Variants in DLG2 observed in about 807,000 individuals in gnomAD.
DLG2 encodes the protein disks large homolog 2.
Under a neutral mutation model 132.5 loss-of-function variants are expected in DLG2, and 45 were observed. The ratio of observed to expected loss-of-function variants is 0.34; its 90% CI spans 0.27 to 0.44. The LOEUF (loss-of-function observed/expected upper bound fraction) is 0.44, where lower values mean the gene tolerates loss of function less well. Among genes scored for constraint, DLG2 ranks in the 20% least tolerant of loss-of-function variants. The probability of loss-of-function intolerance (pLI) is 1.00; values close to 1 mark genes in which losing one functional copy is unlikely to be tolerated. For missense variants in DLG2, 1,045 were observed against 1,196.9 expected, an observed-to-expected ratio of 0.87 and a Z score of 1.87; for synonymous variants, 424 against 419.6, an observed-to-expected ratio of 1.01 and a Z score of -0.13.
intron 10 of DLG2, among the ~76,000 whole-genome samples, chr11:84,066,078 T>C (rs1040247315): frequency 1.3e-5 from 2 of 152,212 alleles, no homozygotes; most frequent in African/African-American, 2.4e-5. Flanking sequence ...AGAGTGGAAG[T>C]TGGGATGAGG....
At chr11:83,666,029 T>C (rs1385254870) in intron 18 of DLG2, among the ~76,000 whole-genome samples, 5 of 152,194 alleles carry the variant, frequency 3.3e-5, no homozygotes, top group African/African-American at 4.8e-5. Flanking sequence ...TGTCAAGTTC[T>C]CTGCTTCCTG....
At chr11:83,522,605 A>T (rs1441066905) in intron 21 of DLG2, among the ~76,000 whole-genome samples, 1 of 152,060 alleles carries the variant, frequency 6.6e-6, no homozygotes, top group African/African-American at 2.4e-5. Flanking sequence ...TTCTCACATT[A>T]TTTAATTCAA....
chr11:84,172,566 G>A (rs1430544823), intron 8 of DLG2, among the ~76,000 whole-genome samples: 1 of 148,482 alleles, frequency 6.7e-6, no homozygotes, highest in Admixed American at 6.7e-5. Flanking sequence ...TATTTGAGGT[G>A]GAGTCTTGCT....
Position 85,179,537 on chromosome 11 carries a change from T to G in DLG2, c.187-24886A>C, listed in dbSNP as rs897444981. ...AGATTTCTTAGAATAATATATAGAT[T>G]ATTATGTATGCCAAAAAGATAACCA... On this transcript the variant is annotated intron_variant, in intron 4 of 27. Coordinates refer to ENST00000376104, the MANE Select transcript of DLG2 (RefSeq NM_001142699.3). Among the ~76,000 whole-genome samples, 29 of 151,810 alleles carry G rather than the reference T, an allele frequency of 1.9e-4. 1 individual carries two copies. The highest frequency in any genetic ancestry group is 2.9e-5 in the Non-Finnish European group (2 of 67,830).
intron 6 of DLG2, among the ~76,000 whole-genome samples, chr11:84,940,737 A>G (rs1403668308): frequency 1.3e-5 from 2 of 152,054 alleles, no homozygotes; most frequent in African/African-American, 4.8e-5. Context: ...ACTTGATGTG[A>G]TCCTATTTTA....
chr11:85,151,852 T>C (rs1446137920), intron 5 of DLG2, among the ~76,000 whole-genome samples: 2 of 152,208 alleles, frequency 1.3e-5, no homozygotes, highest in African/African-American at 4.8e-5. Flanking sequence ...TTCTCCAAAA[T>C]TGATTAGGCT....
intron 7 of DLG2, among the ~76,000 whole-genome samples, chr11:84,491,031 G>A (rs2099163709): frequency 6.6e-6 from 1 of 152,012 alleles, no homozygotes; most frequent in East Asian, 1.9e-4. Flanking sequence ...AGAGTTAGTG[G>A]TAGAGCTAGA....
chr11:84,168,217 T>C (rs2095717244), intron 8 of DLG2, among the ~76,000 whole-genome samples: 1 of 152,238 alleles, frequency 6.6e-6, no homozygotes, highest in Non-Finnish European at 1.5e-5. Context: ...ACAAGAGTGA[T>C]ATCTAATATT....
At chr11:85,184,291 A>C (rs1243594737) in intron 4 of DLG2, among the ~76,000 whole-genome samples, 1 of 151,810 alleles carries the variant, frequency 6.6e-6, no homozygotes, top group African/African-American at 2.4e-5. Flanking sequence ...GCATAGCCTT[A>C]TATCCTCCAA....
intron 8 of DLG2, among the ~76,000 whole-genome samples, chr11:84,172,534 T>C (rs1596581155): frequency 1.2e-5 from 1 of 83,234 alleles, no homozygotes; most frequent in Admixed American, 1.4e-4. Flanking sequence ...TATTTATTTA[T>C]TTATTTATTT....
intron 17 of DLG2, among the ~76,000 whole-genome samples, chr11:83,819,469 C>CAAAAAAAAAAAAAAAAAAAAAAAAA (rs398016925): frequency 3.6e-5 from 1 of 28,124 alleles, no homozygotes; most frequent in Non-Finnish European, 6.2e-5. Flanking sequence ...GACTCTATCT[C>CAAAAAAAAAAAAAAAAAAAAAAAAA]AAAAAAAAAA....
At chr11:83,699,858 T>C (rs2082590884) in intron 18 of DLG2, among the ~76,000 whole-genome samples, 1 of 150,464 alleles carries the variant, frequency 6.6e-6, no homozygotes, top group East Asian at 1.9e-4. Context: ...TGTATGTATG[T>C]ATGCATGTAT....
intron 6 of DLG2, chr11:84,887,436 A>AT (rs1168911702): frequency 1.3e-5 from 2 of 152,072 alleles, no homozygotes; most frequent in Non-Finnish European, 2.9e-5. Flanking sequence ...TCAGAGTGAA[A>AT]TTTTAAAATA....
intron 9 of DLG2, among the ~76,000 whole-genome samples, chr11:84,147,722 A>G (rs1309676693): frequency 6.6e-6 from 1 of 152,134 alleles, no homozygotes; most frequent in Admixed American, 6.6e-5. Flanking sequence ...TAAAAAGCAT[A>G]CTATTAACCA....
At chr11:83,491,942 T>C (rs79383996) in intron 21 of DLG2, among the ~76,000 whole-genome samples, 2,790 of 152,164 alleles carry the variant, frequency 0.018, 90 homozygotes, top group African/African-American at 0.063. Flanking sequence ...CAGTGACCTG[T>C]GGCCCATGAA....
chr11:83,680,289 G>A (rs1165299345), intron 18 of DLG2, among the ~76,000 whole-genome samples: 5 of 152,144 alleles, frequency 3.3e-5, no homozygotes, highest in Non-Finnish European at 7.4e-5. Context: ...GTGGAGTGTG[G>A]CGTGTAATTT....
chr11:84,095,722 T>C (rs2097156531), intron 10 of DLG2, among the ~76,000 whole-genome samples: 1 of 152,204 alleles, frequency 6.6e-6, no homozygotes, highest in African/African-American at 2.4e-5. Context: ...CTCTATAAAA[T>C]GTATGTCTTG....
intron 6 of DLG2, among the ~76,000 whole-genome samples, chr11:84,584,999 T>A (rs745964028): frequency 5.4e-4 from 82 of 152,130 alleles, no homozygotes; most frequent in Admixed American, 1.6e-3. Flanking sequence ...CAGCATTCCT[T>A]TAATGTAGTT....
At chr11:85,204,552 A>G (rs900214323) in intron 4 of DLG2, among the ~76,000 whole-genome samples, 8 of 152,160 alleles carry the variant, frequency 5.3e-5, no homozygotes, top group African/African-American at 1.7e-4. Flanking sequence ...ACAAACAAAT[A>G]GAAAGATATC....
Sources: gnomAD v4.1 joint callset for allele counts (sites outside exome capture counted in the v4.1 genomes callset) on GRCh38, gnomAD v4.1.1 for gene constraint, MANE v1.5 for transcripts, NCBI Gene and HGNC (gene_info 2026-07-23, HGNC 2026-07-21) for gene names.